Variants in SLC35F1 observed in about 807,000 individuals in gnomAD.
SLC35F1 encodes solute carrier family 35 member F1.
SLC35F1 carries 14 observed loss-of-function variants against 48.7 expected under a neutral mutation model. That is an observed-to-expected ratio of 0.29 (90% CI 0.19 to 0.45). The LOEUF is 0.45. SLC35F1 is among the 20% of genes least tolerant of loss of function. The pLI is 1.00. For synonymous variants in SLC35F1, 190 were observed against 202.2 expected (o/e 0.94, Z 0.51); for missense variants, 404 against 500.0 (o/e 0.81, Z 1.83).
chr6:117,997,534 G>GT (rs1452396296), intron 1 of SLC35F1, among the ~76,000 whole-genome samples: 1 of 152,158 alleles, frequency 6.6e-6, no homozygotes, highest in African/African-American at 2.4e-5. Context: ...GAAATGTCAG[G>GT]TTACCCACAA....
At chr6:117,969,650 G>C (rs991833992) in intron 1 of SLC35F1, among the ~76,000 whole-genome samples, 2 of 152,040 alleles carry the variant, frequency 1.3e-5, no homozygotes, top group Non-Finnish European at 2.9e-5. Flanking sequence ...AGGAATTTGA[G>C]GGTTCAGTGA....
intron 1 of SLC35F1, among the ~76,000 whole-genome samples, chr6:118,048,101 A>G (rs376316130): frequency 1.2e-4 from 18 of 152,218 alleles, no homozygotes; most frequent in African/African-American, 4.3e-4. Flanking sequence ...AGCGTTGTTG[A>G]TTTTTGTCAA....
At chr6:118,188,177 A>G (rs1201933448) in intron 2 of SLC35F1, among the ~76,000 whole-genome samples, 1 of 152,186 alleles carries the variant, frequency 6.6e-6, no homozygotes, top group Non-Finnish European at 1.5e-5. Context: ...ATTCTCAGAA[A>G]ATTCCTTTTA....
At chr6:117,946,294 A>G (rs1325483188) in intron 1 of SLC35F1, among the ~76,000 whole-genome samples, 2 of 152,238 alleles carry the variant, frequency 1.3e-5, no homozygotes, top group Non-Finnish European at 2.9e-5. Context: ...TGACATCCAT[A>G]TAAATAAACT....
At chr6:118,011,603 CAT>C (rs1777247710) in intron 1 of SLC35F1, among the ~76,000 whole-genome samples, 1 of 152,164 alleles carries the variant, frequency 6.6e-6, no homozygotes, top group Non-Finnish European at 1.5e-5. Flanking sequence ...AGATTTCTCA[CAT>C]GTGCAGTTCA....
chr6:118,163,652 C>G (rs750317054), intron 2 of SLC35F1, among the ~76,000 whole-genome samples: 7 of 152,174 alleles, frequency 4.6e-5, no homozygotes, highest in Non-Finnish European at 8.8e-5. Context: ...TAGAGAAATA[C>G]TCATTCCTGG....
intron 1 of SLC35F1, among the ~76,000 whole-genome samples, chr6:118,061,412 C>G (rs553577231): frequency 1.3e-5 from 2 of 152,030 alleles, no homozygotes; most frequent in African/African-American, 2.4e-5. Flanking sequence ...TTTTTCTTTT[C>G]TTTCTGAATT....
intron 1 of SLC35F1, among the ~76,000 whole-genome samples, chr6:117,917,713 C>T (rs927487552): frequency 1.4e-4 from 17 of 123,558 alleles, no homozygotes; most frequent in African/African-American, 2.2e-4. Flanking sequence ...TGTAGTGAAA[C>T]GGTCAAAAGA....
intron 7 of SLC35F1, among the ~76,000 whole-genome samples, chr6:118,311,588 G>C (rs12524408): frequency 6.6e-6 from 1 of 152,146 alleles, no homozygotes. Flanking sequence ...CCAAGAATTC[G>C]AGACCAGCCT....
chr6:118,245,657 C>G (rs1420946317), intron 3 of SLC35F1, among the ~76,000 whole-genome samples: 3 of 152,094 alleles, frequency 2.0e-5, no homozygotes, highest in Non-Finnish European at 2.9e-5. Flanking sequence ...TAGACTGTTC[C>G]CCACCTCCCA....
At chr6:118,218,560 C>T (rs1186872881) in intron 2 of SLC35F1, among the ~76,000 whole-genome samples, 1 of 152,176 alleles carries the variant, frequency 6.6e-6, no homozygotes, top group Non-Finnish European at 1.5e-5. Flanking sequence ...CTAATTTTAG[C>T]TTACGCCTGT....
rs140842078 is a variant in SLC35F1 at position 118,218,610 on chromosome 6, G to T, written c.350-16899G>T. Among the ~76,000 whole-genome samples the T allele has an allele frequency of 1.1e-3, 166 of 152,260 alleles. 2 individuals carry two copies. Among genetic ancestry groups the T allele is most frequent in the African/African-American group, 3.8e-3 (160 of 41,560 alleles). On this transcript the variant is annotated intron_variant, in intron 2 of 7. Transcript: ENST00000360388. ...CTTGACTCCTAATTGGTAATCCAAAGAGTTTTCTTTTATTCACCTTTAAGC... is the reference window on the plus strand; with the variant it reads ...CTTGACTCCTAATTGGTAATCCAAATAGTTTTCTTTTATTCACCTTTAAGC...
chr6:118,011,383 GGA>G lies in SLC35F1; in HGVS notation c.173+103496_173+103497del, dbSNP rs775529930. ...CAGGTACATCTTCACATGGCTGGCG[GGA>G]GAGAGAGAGAGTTAAGTGGGAAGTA... On this transcript the variant is annotated intron_variant, in intron 1 of 7. Coordinates refer to ENST00000360388, the MANE Select transcript of SLC35F1 (RefSeq NM_001029858.4). Among the ~76,000 whole-genome samples, 204 of 152,026 alleles carry G rather than the reference GGA, an allele frequency of 1.3e-3. 1 individual carries two copies. The highest frequency in any genetic ancestry group is 1.9e-3 in the Non-Finnish European group (130 of 67,960).
At chr6:118,207,471 CA>C (rs1429094078) in intron 2 of SLC35F1, among the ~76,000 whole-genome samples, 22 of 152,256 alleles carry the variant, frequency 1.4e-4, no homozygotes, top group Admixed American at 3.3e-4. Flanking sequence ...GATGCACAAA[CA>C]ACAAATATCA....
chr6:118,012,347 C>T (rs879470812), intron 1 of SLC35F1, among the ~76,000 whole-genome samples: 64 of 147,990 alleles, frequency 4.3e-4, no homozygotes, highest in Admixed American at 2.2e-3. Context: ...AAAAGAAAAA[C>T]TAAATGGAAG....
intron 1 of SLC35F1, among the ~76,000 whole-genome samples, chr6:118,078,049 C>T (rs1263640873): frequency 6.6e-6 from 1 of 152,130 alleles, no homozygotes; most frequent in East Asian, 1.9e-4. Flanking sequence ...AAGACTAAAG[C>T]AATGGAACCT....
chr6:118,137,727 T>A (rs1773817701), intron 1 of SLC35F1, among the ~76,000 whole-genome samples: 1 of 152,186 alleles, frequency 6.6e-6, no homozygotes, highest in Non-Finnish European at 1.5e-5. Context: ...CTTTCCTAAA[T>A]GGCCTACAAC....
At chr6:118,103,387 T>C (rs905299188) in intron 1 of SLC35F1, among the ~76,000 whole-genome samples, 1 of 152,246 alleles carries the variant, frequency 6.6e-6, no homozygotes, top group African/African-American at 2.4e-5. Flanking sequence ...TCACTTAGCA[T>C]TATTTGTTAA....
intron 1 of SLC35F1, among the ~76,000 whole-genome samples, chr6:117,932,694 G>A (rs759874805): frequency 5.3e-5 from 8 of 152,148 alleles, no homozygotes; most frequent in Non-Finnish European, 8.8e-5. Context: ...AGGATGATAT[G>A]AAGTTTTCAG....
Sources: allele counts gnomAD v4.1 joint callset (sites outside exome capture counted in the v4.1 genomes callset), GRCh38; gene constraint gnomAD v4.1.1; transcripts MANE v1.5; gene names NCBI Gene and HGNC (gene_info 2026-07-23, HGNC 2026-07-21).